The following ZCCHC2 variants were observed in gnomAD, a reference collection of about 807,000 sequenced individuals.
ZCCHC2 encodes the protein zinc finger CCHC domain-containing protein 2.
ZCCHC2 carries 39 observed loss-of-function variants against 103.6 expected under a neutral mutation model. That is an observed-to-expected ratio of 0.38 (90% CI 0.29 to 0.49). ZCCHC2 has a LOEUF of 0.49. Ranked by LOEUF, ZCCHC2 falls within the 20% of genes least tolerant of loss-of-function variation. The pLI is 0.96. For missense variants in ZCCHC2, 1,483 were observed against 1,491.0 expected, an observed-to-expected ratio of 0.99 and a Z score of 0.09; for synonymous variants, 687 against 608.9, an observed-to-expected ratio of 1.13 and a Z score of -1.89.
At chr18:62,576,450 G>A (rs1450503694) in intron 13 of ZCCHC2, 62 bp from the exon 14 acceptor site, 50 of 1,430,328 alleles carry the variant, frequency 3.5e-5, no homozygotes, top group South Asian at 4.7e-5. Flanking sequence ...TAGCTTGTAC[G>A]TAGTGGTTTG....
chr18:62,578,974 G>A (rs1408057564), downstream of ZCCHC2, among the ~76,000 whole-genome samples: 2 of 152,148 alleles, frequency 1.3e-5, no homozygotes, highest in Non-Finnish European at 2.9e-5. Context: ...CACCATGTTG[G>A]CCAGGCTGGT....
At chr18:62,552,276 C>T (rs1192551967) in intron 5 of ZCCHC2, 1 of 152,240 alleles carries the variant, frequency 6.6e-6, no homozygotes, top group Non-Finnish European at 1.5e-5. Flanking sequence ...ACTTGCTCCT[C>T]TCCCACCACC....
In ZCCHC2 at chr18:62,576,621, A is replaced by C; in HGVS notation, c.*42A>C. 1 of 1,582,318 alleles carries C rather than the reference A, an allele frequency of 6.3e-7. No individual in the cohort carries two copies. Among genetic ancestry groups the C allele is most frequent in the Non-Finnish European group, 8.7e-7 (1 of 1,152,738 alleles). On this transcript the variant is annotated 3_prime_UTR_variant, in exon 14 of 14. Transcript: ENST00000269499. ...CTACTTAATACACTCAAGTGTGGGG[A>C]GTCATGGGGTGTGGAGGGGAGGAAA...
At chr18:62,557,779 C>G (rs536514659) in intron 6 of ZCCHC2, among the ~76,000 whole-genome samples, 2 of 152,222 alleles carry the variant, frequency 1.3e-5, no homozygotes, top group South Asian at 4.1e-4. Context: ...GAAAACTCAC[C>G]CAAGTGAGGA....
At chr18:62,527,714 T>C (rs1914496616) in intron 1 of ZCCHC2, among the ~76,000 whole-genome samples, 1 of 152,220 alleles carries the variant, frequency 6.6e-6, no homozygotes, top group Non-Finnish European at 1.5e-5. Flanking sequence ...CTAGGAACTC[T>C]GTGTGATTGT....
At chr18:62,535,206 A>G (rs888724151) in intron 1 of ZCCHC2, among the ~76,000 whole-genome samples, 2 of 152,222 alleles carry the variant, frequency 1.3e-5, no homozygotes, top group African/African-American at 2.4e-5. Context: ...TCATGCATGC[A>G]TTCTTTTCAC....
At chr18:62,558,640 T>C (rs1915990583) in intron 6 of ZCCHC2, 47 bp from the exon 7 acceptor site, 3 of 1,135,518 alleles carry the variant, frequency 2.6e-6, no homozygotes, top group Admixed American at 6.3e-5. Context: ...TTGTTTTCTT[T>C]ATTTTAATTT....
At chr18:62,544,128 G>C (rs973508387) in intron 3 of ZCCHC2, among the ~76,000 whole-genome samples, 9 of 152,224 alleles carry the variant, frequency 5.9e-5, no homozygotes, top group Admixed American at 3.3e-4. Flanking sequence ...CCACAGTTGA[G>C]TCCACATGAA....
At position 62,584,189 on chromosome 18, in the gene ZCCHC2, G is replaced by GT. The variant is rs1917113889; in HGVS notation, c.*74-254dup. On this transcript the variant is annotated intron_variant and NMD_transcript_variant, in intron 14 of 14. Transcript: ENST00000585873. The stretch of plus-strand genomic sequence containing the variant: ...CTGAGTTCTGTGTGTGTATGCAAAT[G>GT]TTTATCAATTGTGGAAGCTTTGGAA... Among the ~76,000 whole-genome samples the GT allele has an allele frequency of 3.3e-5, 5 of 152,292 alleles. No homozygotes were observed. In the South Asian group the frequency reaches 1.0e-3, roughly 32 times the overall value.
In ZCCHC2 at chr18:62,523,376, G is replaced by GCGGCC; in HGVS notation, c.-48_-47insGGCCC. On this transcript the variant is annotated 5_prime_UTR_variant, in exon 1 of 14. Transcript: ENST00000269499. The stretch of plus-strand genomic sequence containing the variant: ...GCCTCGGCCCGTGCTCCACCTCGCG[G>GCGGCC]CCCCTCCCGCCCGCCCCCGCTCGCA... The GCGGCC allele has an allele frequency of 1.1e-5, 11 of 1,012,344 alleles. No homozygotes were observed. Among genetic ancestry groups the GCGGCC allele is most frequent in the South Asian group, 3.7e-5 (1 of 27,158 alleles). 62.7% of individuals were successfully genotyped at this position (1,012,344 alleles called of 1,614,324 possible).
intron 4 of ZCCHC2, among the ~76,000 whole-genome samples, chr18:62,547,198 C>T (rs1196783558): frequency 4.6e-5 from 7 of 151,670 alleles, no homozygotes; most frequent in Admixed American, 6.6e-5. Flanking sequence ...TGGTGGCGGG[C>T]GCCTGTAATC....
chr18:62,570,031 C>A (rs1414927582), intron 11 of ZCCHC2, 72 bp from the exon 12 acceptor site: 2 of 1,417,488 alleles, frequency 1.4e-6, no homozygotes, highest in Non-Finnish European at 1.9e-6. Context: ...AAATTAATTT[C>A]TAATGATTCA....
At chr18:62,531,428 T>G (rs549039745) in intron 1 of ZCCHC2, among the ~76,000 whole-genome samples, 5 of 152,352 alleles carry the variant, frequency 3.3e-5, no homozygotes, top group Non-Finnish European at 5.9e-5. Flanking sequence ...GTCATTTATT[T>G]GAGGTCAGAT....
chr18:62,524,182 C>T lies in ZCCHC2; in HGVS notation c.758C>T (p.Ser253Phe), dbSNP rs961425711. Residue 253 changes from serine to phenylalanine, a missense_variant, in exon 1 of 14, where the codon TCC becomes TTC. Ser to Phe is a radical substitution (Grantham distance 155). Around this residue, in one of 3 missense-constraint regions of ZCCHC2, gnomAD observed 568 missense variants for 525.1 expected, o/e 1.08. Coordinates refer to ENST00000269499, the MANE Select transcript of ZCCHC2 (RefSeq NM_017742.6). ...VEPRVGGGLG[S>F]RAQEELLLLF... Reference sequence around the variant, plus strand: ...CCCCGGGTCGGCGGCGGGCTTGGCTCCAGGGCCCAGGAGGAACTGCTGCTG... The same window carrying T: ...CCCCGGGTCGGCGGCGGGCTTGGCTTCAGGGCCCAGGAGGAACTGCTGCTG... The T allele has an allele frequency of 3.6e-5, 56 of 1,548,338 alleles. No homozygotes were observed. The highest frequency in any genetic ancestry group is 7.9e-5 in the Admixed American group (4 of 50,908).
At chr18:62,528,867 AG>A (rs1568536299) in intron 1 of ZCCHC2, among the ~76,000 whole-genome samples, 1 of 152,148 alleles carries the variant, frequency 6.6e-6, no homozygotes, top group East Asian at 1.9e-4. Context: ...GCACTAAAAA[AG>A]ATGATTTTTT....
chr18:62,561,736 A>G (rs548116133), intron 8 of ZCCHC2, among the ~76,000 whole-genome samples: 52 of 152,314 alleles, frequency 3.4e-4, no homozygotes, highest in African/African-American at 6.7e-4. Context: ...CAGAGTTTCA[A>G]TCGGTCTTAC....
chr18:62,559,391 C>T (rs1916025182), intron 7 of ZCCHC2, among the ~76,000 whole-genome samples: 1 of 152,190 alleles, frequency 6.6e-6, no homozygotes, highest in African/African-American at 2.4e-5. Context: ...ACAGCTATTA[C>T]ATAATGTGCA....
At chr18:62,526,876 C>G (rs1368370383) in intron 1 of ZCCHC2, 2 of 152,030 alleles carry the variant, frequency 1.3e-5, no homozygotes, top group Non-Finnish European at 2.9e-5. Context: ...CTTTTGGCCT[C>G]TTCCCGCGGA....
At position 62,550,450 on chromosome 18, in the gene ZCCHC2, C is replaced by T. The variant is rs763296997; in HGVS notation, c.1303C>T (p.Pro435Ser). Reference sequence around the variant, plus strand: ...GGAACGGCGACATCCTGACCTAGAGCCCATCCTAAGGTAATGATTTACCTG... The same window carrying T: ...GGAACGGCGACATCCTGACCTAGAGTCCATCCTAAGGTAATGATTTACCTG... ...REERRHPDLE[P>S]ILRQLFSSSS... The change falls in exon 5 of 14, where the codon CCC (proline) becomes TCC (serine). Residue 435 changes from proline (P) to serine (S), a missense_variant. This residue lies in a region of ZCCHC2 where 884 missense variants were observed against 907.5 expected (regional missense o/e 0.97). Coordinates refer to ENST00000269499, the MANE Select transcript of ZCCHC2 (RefSeq NM_017742.6). The T allele has an allele frequency of 2.5e-5, 41 of 1,612,428 alleles. No individual in the cohort carries two copies. The highest frequency in any genetic ancestry group is 3.2e-5 in the Non-Finnish European group (38 of 1,179,124).
Sources: gnomAD v4.1 joint callset for allele counts (sites outside exome capture counted in the v4.1 genomes callset) on GRCh38, gnomAD v4.1.1 for gene constraint, gnomAD v4.1.1 regional missense constraint, MANE v1.5 for transcripts, NCBI Gene and HGNC (gene_info 2026-07-23, HGNC 2026-07-21) for gene names.